AJAP1: variants seen among roughly 807,000 people sequenced by gnomAD.
AJAP1 encodes the protein adherens junction-associated protein 1.
Under a neutral mutation model 35.0 loss-of-function variants are expected in AJAP1, and 5 were observed. The ratio of observed to expected loss-of-function variants is 0.14; its 90% CI spans 0.07 to 0.30. AJAP1 has a LOEUF of 0.30. Ranked by LOEUF, AJAP1 falls within the 10% of genes least tolerant of loss-of-function variation. AJAP1 has a pLI of 1.00. For synonymous variants in AJAP1, 284 were observed against 249.3 expected (o/e 1.14, Z -1.31); for missense variants, 586 against 571.0 (o/e 1.03, Z -0.27).
chr1:4,766,291 A>G (rs559367003), intron 2 of AJAP1, among the ~76,000 whole-genome samples: 5 of 152,270 alleles, frequency 3.3e-5, no homozygotes, highest in African/African-American at 1.2e-4. Context: ...AATATTTACT[A>G]TCTGGTCCTT....
chr1:4,685,177 C>T (rs563496106), intron 1 of AJAP1, among the ~76,000 whole-genome samples: 49 of 152,244 alleles, frequency 3.2e-4, no homozygotes, highest in South Asian at 8.3e-4. Flanking sequence ...GCTGTGTCCA[C>T]AACCAGGAGC....
Position 4,666,961 on chromosome 1 carries a change from G to A in AJAP1, c.29+11507G>A, listed in dbSNP as rs917857993. ...AGAGGGGCCCATGAATCACGGAGGGGTTGCAGAGAGGAGCCTGTGAATCAC... is the reference window on the plus strand; with the variant it reads ...AGAGGGGCCCATGAATCACGGAGGGATTGCAGAGAGGAGCCTGTGAATCAC... On this transcript the variant is annotated intron_variant, in intron 1 of 5. Coordinates refer to ENST00000378191, the MANE Select transcript of AJAP1 (RefSeq NM_018836.4). 2.0e-5 allele frequency among the ~76,000 whole-genome samples: 3 copies of A among 151,122 alleles called. 1 individual carries two copies. Among genetic ancestry groups the A allele is most frequent in the African/African-American group, 7.3e-5 (3 of 41,068 alleles).
intron 1 of AJAP1, among the ~76,000 whole-genome samples, chr1:4,697,780 C>T (rs1010673244): frequency 1.3e-5 from 2 of 152,240 alleles, no homozygotes; most frequent in African/African-American, 4.8e-5. Context: ...GGAGCTGAGC[C>T]GTGGCACAGC....
chr1:4,725,390 G>A (rs917498600), intron 2 of AJAP1, among the ~76,000 whole-genome samples: 69 of 152,252 alleles, frequency 4.5e-4, no homozygotes, highest in African/African-American at 1.5e-3. Flanking sequence ...TGGATGCCCC[G>A]TGGAGCTCAC....
intron 1 of AJAP1, among the ~76,000 whole-genome samples, chr1:4,668,213 C>CA (rs35921768): frequency 0.73 from 108,889 of 149,298 alleles, 40,306 homozygotes; most frequent in African/African-American, 0.85. Context: ...AACTCTATCT[C>CA]AAAAAAAAAA....
intron 1 of AJAP1, among the ~76,000 whole-genome samples, chr1:4,680,248 C>A (rs558220158): frequency 2.6e-5 from 4 of 152,184 alleles, no homozygotes; most frequent in Non-Finnish European, 5.9e-5. Context: ...CACCCTCACC[C>A]ATACACCCAG....
Position 4,723,960 on chromosome 1 carries a change from T to C in AJAP1, c.829+11261T>C, listed in dbSNP as rs116173193. ...TGTGTGCTGTTGGCTGAGCTCGCTA[T>C]AGAGACCTCAAGAGGTGTCCAAGAA... is the stretch of plus-strand genomic sequence containing the variant. On this transcript the variant is annotated intron_variant, in intron 2 of 5. Transcript: ENST00000378191. This position sits in a 1 kb window ranked among gnomAD's most constrained non-coding sequence, Gnocchi z 4.3. Among the ~76,000 whole-genome samples the C allele has an allele frequency of 4.4e-3, 665 of 152,278 alleles. 3 individuals are homozygous for C. Among genetic ancestry groups the C allele is most frequent in the African/African-American group, 0.015 (637 of 41,548 alleles).
At chr1:4,660,160 C>T (rs999124513) in intron 1 of AJAP1, among the ~76,000 whole-genome samples, 4 of 152,250 alleles carry the variant, frequency 2.6e-5, no homozygotes, top group African/African-American at 4.8e-5. Flanking sequence ...CTACCACTGG[C>T]TTGCCCTTGA....
intron 2 of AJAP1, among the ~76,000 whole-genome samples, chr1:4,757,874 C>A (rs1297533680): frequency 6.6e-6 from 1 of 151,992 alleles, no homozygotes; most frequent in Non-Finnish European, 1.5e-5. Flanking sequence ...TTGCTGTGTC[C>A]CCACCCAAAT....
chr1:4,671,441 C>T (rs1320398198), intron 1 of AJAP1, among the ~76,000 whole-genome samples: 1 of 151,514 alleles, frequency 6.6e-6, no homozygotes. Flanking sequence ...ATGTGCACTG[C>T]ATCCATTACC....
intron 2 of AJAP1, among the ~76,000 whole-genome samples, chr1:4,760,339 C>CTG (rs113887458): frequency 4.0e-5 from 6 of 151,168 alleles, no homozygotes; most frequent in Admixed American, 2.0e-4. Context: ...GTGTGTGAGT[C>CTG]TGTGTGTGTG....
At chr1:4,680,321 C>T (rs993713555) in intron 1 of AJAP1, among the ~76,000 whole-genome samples, 11 of 152,212 alleles carry the variant, frequency 7.2e-5, no homozygotes, top group Admixed American at 2.0e-4. Context: ...GTAAAATTAA[C>T]CCTCTCACCA....
rs1292177423 is a variant in AJAP1 at position 4,785,761 on chromosome 1, T to C, written c.*3276T>C. The C allele has an allele frequency of 6.6e-6, 1 of 152,210 alleles. No homozygotes were observed. Among genetic ancestry groups the C allele is most frequent in the African/African-American group, 2.4e-5 (1 of 41,436 alleles). 9.4% of individuals were successfully genotyped at this position (152,210 alleles called of 1,614,324 possible). A position where few individuals can be genotyped will look rare whatever the true frequency, so the allele number is the denominator to read the frequency against. On this transcript the variant is annotated 3_prime_UTR_variant, in exon 6 of 6. Transcript: ENST00000378191. ...CCCAAGGCCTGGTCCTTTCCTTTGCTTGAGCTTTTATTCCTCAAGAAAAGA... is the reference window on the plus strand; with the variant it reads ...CCCAAGGCCTGGTCCTTTCCTTTGCCTGAGCTTTTATTCCTCAAGAAAAGA...
At chr1:4,770,867 G>T (rs1018593432) in intron 3 of AJAP1, among the ~76,000 whole-genome samples, 2 of 152,138 alleles carry the variant, frequency 1.3e-5, no homozygotes, top group Admixed American at 1.3e-4. Flanking sequence ...GGCTAGCGAG[G>T]CCTCAAAGCC....
Position 4,787,314 on chromosome 1 carries a change from C to T in AJAP1, c.*4829C>T. 1 of 180,972 alleles carries T rather than the reference C, an allele frequency of 5.5e-6. No individual in the cohort carries two copies. The highest frequency in any genetic ancestry group is 6.8e-5 in the South Asian group (1 of 14,628). The allele number at this position is 180,972 out of a possible 1,614,324, so 11.2% of individuals were successfully genotyped here. On this transcript the variant is annotated 3_prime_UTR_variant, in exon 6 of 6. Coordinates refer to ENST00000378191, the MANE Select transcript of AJAP1 (RefSeq NM_018836.4). ...AAGAGAGCAGAGCAGAGTGATGGGG[C>T]TGGGGGCAGAGAAGGAGAGAGGGGA...
chr1:4,718,305 T>A (rs1333558073), intron 2 of AJAP1, among the ~76,000 whole-genome samples: 1 of 152,174 alleles, frequency 6.6e-6, no homozygotes, highest in Admixed American at 6.5e-5. Flanking sequence ...TGGACACGAC[T>A]GTGTTGCAGG....
intron 2 of AJAP1, among the ~76,000 whole-genome samples, chr1:4,744,115 G>A (rs1465460127): frequency 7.1e-6 from 1 of 140,378 alleles, no homozygotes; most frequent in African/African-American, 2.7e-5. Context: ...GGCCTTTGAG[G>A]GCCTGAGTCA....
chr1:4,664,076 G>A (rs1249722805), intron 1 of AJAP1, among the ~76,000 whole-genome samples: 1 of 152,062 alleles, frequency 6.6e-6, no homozygotes, highest in Non-Finnish European at 1.5e-5. Flanking sequence ...ACATTGCTAT[G>A]GTAGGAGCAC....
chr1:4,744,897 G>T (rs142750327), intron 2 of AJAP1, among the ~76,000 whole-genome samples: 1 of 152,074 alleles, frequency 6.6e-6, no homozygotes, highest in Non-Finnish European at 1.5e-5. Flanking sequence ...CCTGGGACGC[G>T]GGGCTTCAGG....
Sources: gnomAD v4.1 joint callset for allele counts (sites outside exome capture counted in the v4.1 genomes callset) on GRCh38, gnomAD v4.1.1 for gene constraint, Gnocchi (gnomAD v3.1) non-coding constraint, MANE v1.5 for transcripts, NCBI Gene and HGNC (gene_info 2026-07-23, HGNC 2026-07-21) for gene names.